The following ENPP3 variants were observed in gnomAD, a reference collection of about 807,000 sequenced individuals.
ENPP3 encodes the protein ectonucleotide pyrophosphatase/phosphodiesterase family member 3.
A neutral mutation model predicts 117.8 loss-of-function variants in ENPP3; 104 were observed. The observed-to-expected ratio is 0.88, with a 90% CI of 0.75 to 1.04. The LOEUF is 1.04. ENPP3 is among the 50% of genes least tolerant of loss of function. The probability of loss-of-function intolerance (pLI) is 0.00; values close to 1 mark genes in which losing one functional copy is unlikely to be tolerated. For synonymous variants in ENPP3, 380 were observed against 349.9 expected (o/e 1.09, Z -0.96); for missense variants, 1,026 against 1,051.9 (o/e 0.98, Z 0.34).
At chr6:131,678,378 T>C (rs1190881214) in intron 11 of ENPP3, among the ~76,000 whole-genome samples, 1 of 152,218 alleles carries the variant, frequency 6.6e-6, no homozygotes, top group Non-Finnish European at 1.5e-5. Context: ...TAACATGTTA[T>C]TGCCTCAGGC....
rs1453892080 is a variant in ENPP3 at position 131,658,389 on chromosome 6, G to T, written c.531G>T (p.Trp177Cys). Residue 177 changes from tryptophan to cysteine, a missense_variant, in exon 6 of 25, where the codon TGG becomes TGT. Coordinates refer to ENST00000357639, the MANE Select transcript of ENPP3 (RefSeq NM_005021.5). Reference sequence around the variant, plus strand: ...TTAGAGCTGAATATTTATACACATGGGATACTTTAATGCCAAATATCAATA... The same window carrying T: ...TTAGAGCTGAATATTTATACACATGTGATACTTTAATGCCAAATATCAATA... ...DGFRAEYLYTWDTLMPNINKL... is the reference protein window; with the variant it reads ...DGFRAEYLYTCDTLMPNINKL... 6.3e-7 allele frequency: 1 copy of T among 1,595,826 alleles called. No individual in the cohort carries two copies. Among genetic ancestry groups the T allele is most frequent in the Admixed American group, 1.7e-5 (1 of 59,934 alleles).
intron 7 of ENPP3, among the ~76,000 whole-genome samples, chr6:131,672,925 A>G (rs1484598793): frequency 1.3e-5 from 2 of 152,148 alleles, no homozygotes; most frequent in East Asian, 1.9e-4. Flanking sequence ...GAAGATGGAT[A>G]GAGACTTGGC....
intron 15 of ENPP3, among the ~76,000 whole-genome samples, chr6:131,696,536 G>A (rs577574539): frequency 2.0e-4 from 30 of 152,276 alleles, no homozygotes; most frequent in African/African-American, 6.5e-4. Flanking sequence ...GCAGTCTGTC[G>A]GTTGTACAGT....
At chr6:131,742,431 G>A (rs563089321) in intron 24 of ENPP3, among the ~76,000 whole-genome samples, 1 of 152,166 alleles carries the variant, frequency 6.6e-6, no homozygotes, top group South Asian at 2.1e-4. Context: ...TCCCTGGTCT[G>A]GGCCCTTTTG....
At chr6:131,659,569 T>C (rs1026643881) in intron 6 of ENPP3, among the ~76,000 whole-genome samples, 1 of 152,200 alleles carries the variant, frequency 6.6e-6, no homozygotes, top group African/African-American at 2.4e-5. Flanking sequence ...AGTTTCCTCA[T>C]TTGTAAAATG....
chr6:131,675,337 A>C, intron 9 of ENPP3, 148 bp downstream of exon 9: 2 of 596,822 alleles, frequency 3.4e-6, no homozygotes, highest in Non-Finnish European at 6.0e-6. Context: ...TATGTCACTC[A>C]AGCAGTCTCT....
At chr6:131,647,659 C>A (rs538948352) in intron 2 of ENPP3, among the ~76,000 whole-genome samples, 2 of 152,178 alleles carry the variant, frequency 1.3e-5, no homozygotes, top group Non-Finnish European at 2.9e-5. Context: ...TATTTTGAAG[C>A]AAATACTTGA....
intron 21 of ENPP3, among the ~76,000 whole-genome samples, chr6:131,735,464 T>C (rs994375727): frequency 3.9e-5 from 6 of 152,108 alleles, no homozygotes; most frequent in African/African-American, 1.4e-4. Context: ...TCTCATTGAA[T>C]AATTAGTTAC....
chr6:131,709,816 T>C, intron 15 of ENPP3: 2 of 1,610,344 alleles, frequency 1.2e-6, no homozygotes, highest in Non-Finnish European at 1.7e-6. Flanking sequence ...CACTGTTAAT[T>C]TCCTGTAGAG....
chr6:131,725,003 G>T (rs1780122625), intron 19 of ENPP3, among the ~76,000 whole-genome samples: 1 of 148,736 alleles, frequency 6.7e-6, no homozygotes, highest in East Asian at 2.0e-4. Context: ...GAGGTGAGGA[G>T]TTCAAGACCA....
intron 11 of ENPP3, among the ~76,000 whole-genome samples, chr6:131,680,201 G>A (rs1023476203): frequency 4.6e-5 from 7 of 152,120 alleles, no homozygotes; most frequent in Non-Finnish European, 1.0e-4. Flanking sequence ...TAAGGTAGAG[G>A]CAAACATTGT....
rs60304793 is a variant in ENPP3 at position 131,678,907 on chromosome 6, CTCTTTCTTTCTTTCTT to C, written c.1011+1006_1011+1021del. On this transcript the variant is annotated intron_variant, in intron 11 of 24. Coordinates refer to ENST00000357639, the MANE Select transcript of ENPP3 (RefSeq NM_005021.5). ...CCTTCTTTTCCCTTTCTTTCTTTCTCTCTTTCTTTCTTTCTTTCTTTCTTTCTTTCTTTCTTTCTTT... is the reference window on the plus strand; with the variant it reads ...CCTTCTTTTCCCTTTCTTTCTTTCTCTCTTTCTTTCTTTCTTTCTTTCTTT... 4.4e-3 allele frequency among the ~76,000 whole-genome samples: 317 copies of C among 71,770 alleles called. 5 individuals carry two copies. Among genetic ancestry groups the C allele is most frequent in the African/African-American group, 0.015 (292 of 19,492 alleles). The allele number at this position is 71,770 out of a possible 152,430, so 47.1% of individuals were successfully genotyped here.
At chr6:131,651,530 T>A (rs1234785327) in intron 3 of ENPP3, among the ~76,000 whole-genome samples, 4 of 152,190 alleles carry the variant, frequency 2.6e-5, no homozygotes, top group Non-Finnish European at 5.9e-5. Flanking sequence ...GCAATAAAAC[T>A]CTCTGGGAAA....
intron 21 of ENPP3, 38 bp downstream of exon 21, chr6:131,733,761 G>C: frequency 6.2e-7 from 1 of 1,603,432 alleles, no homozygotes; most frequent in Non-Finnish European, 8.5e-7. Context: ...AGCTTAGAAA[G>C]CTCTCATCAG....
chr6:131,733,485 G>A, intron 20 of ENPP3, 103 bp from the exon 21 acceptor site: 1 of 1,293,150 alleles, frequency 7.7e-7, no homozygotes, highest in Non-Finnish European at 1.1e-6. Context: ...AAGAAAATAG[G>A]AAAAGCTTAA....
At chr6:131,639,266 T>TATATA (rs1454993724) in intron 1 of ENPP3, among the ~76,000 whole-genome samples, 900 of 60,434 alleles carry the variant, frequency 0.015, 12 homozygotes, top group African/African-American at 0.089. Flanking sequence ...TATATATATA[T>TATATA]TTTTTTTTTT....
intron 15 of ENPP3, among the ~76,000 whole-genome samples, chr6:131,697,225 T>A (rs1779427581): frequency 6.6e-6 from 1 of 152,120 alleles, no homozygotes; most frequent in Non-Finnish European, 1.5e-5. Context: ...AAGGACCTTG[T>A]CTGAAATGAC....
chr6:131,737,012 C>G (rs561433469), intron 21 of ENPP3, among the ~76,000 whole-genome samples: 10 of 152,274 alleles, frequency 6.6e-5, no homozygotes, highest in African/African-American at 2.4e-4. Flanking sequence ...ATCTCCTTCT[C>G]CTTATTAAGA....
At chr6:131,737,822 T>G (rs548041994) in intron 22 of ENPP3, among the ~76,000 whole-genome samples, 1 of 152,288 alleles carries the variant, frequency 6.6e-6, no homozygotes, top group South Asian at 2.1e-4. Flanking sequence ...TAACTGTAAT[T>G]TCAAGACAAT....
Sources: allele counts gnomAD v4.1 joint callset (sites outside exome capture counted in the v4.1 genomes callset), GRCh38; gene constraint gnomAD v4.1.1; transcripts MANE v1.5; gene names NCBI Gene and HGNC (gene_info 2026-07-23, HGNC 2026-07-21).